The following SLCO6A1 variants were observed in gnomAD, a reference collection of about 807,000 sequenced individuals.
SLCO6A1 encodes the protein cancer/testis antigen 48.
A neutral mutation model predicts 72.7 loss-of-function variants in SLCO6A1; 65 were observed. The ratio of observed to expected loss-of-function variants is 0.89; its 90% CI spans 0.73 to 1.10. The LOEUF (loss-of-function observed/expected upper bound fraction) is 1.10. SLCO6A1 is among the 50% of genes least tolerant of loss of function. The pLI, the probability that SLCO6A1 is intolerant of heterozygous loss-of-function variation, is 0.00. For missense variants in SLCO6A1, 874 were observed against 872.6 expected, an observed-to-expected ratio of 1.00 and a Z score of -0.02; for synonymous variants, 314 against 298.2, an observed-to-expected ratio of 1.05 and a Z score of -0.55.
intron 12 of SLCO6A1, among the ~76,000 whole-genome samples, chr5:102,375,738 A>T (rs1375898770): frequency 6.6e-6 from 1 of 152,164 alleles, no homozygotes; most frequent in Non-Finnish European, 1.5e-5. Flanking sequence ...GAACTTCGTA[A>T]AATAACTAGA....
At chr5:102,453,945 G>A (rs1750567833) in intron 6 of SLCO6A1, among the ~76,000 whole-genome samples, 1 of 152,150 alleles carries the variant, frequency 6.6e-6, no homozygotes, top group Non-Finnish European at 1.5e-5. Context: ...GCTCAGCCAG[G>A]AACCAGTAGA....
At chr5:102,381,356 A>C (rs117381532) in intron 12 of SLCO6A1, among the ~76,000 whole-genome samples, 2 of 151,946 alleles carry the variant, frequency 1.3e-5, no homozygotes, top group East Asian at 3.9e-4. Context: ...TATTTTGCTT[A>C]ACATGATGTC....
chr5:102,406,605 G>A (rs1021630994), intron 9 of SLCO6A1, among the ~76,000 whole-genome samples: 3 of 151,986 alleles, frequency 2.0e-5, no homozygotes, highest in Non-Finnish European at 4.4e-5. Flanking sequence ...AACAATATAA[G>A]TAGATTCATA....
At chr5:102,430,002 T>C (rs921762512) in intron 7 of SLCO6A1, among the ~76,000 whole-genome samples, 2 of 151,070 alleles carry the variant, frequency 1.3e-5, no homozygotes, top group East Asian at 3.9e-4. Flanking sequence ...TTGTAATTTA[T>C]TGTAAAGATC....
chr5:102,373,360 C>A lies in SLCO6A1; in HGVS notation c.2152G>T (p.Asp718Tyr). The change falls in exon 13 of 14, where the codon GAC becomes TAC. Residue 718 changes from aspartate to tyrosine, a missense_variant. Transcript: ENST00000506729. ...NPKVKKKEETDL is the reference protein window; with the variant it reads ...NPKVKKKEETYL The stretch of plus-strand genomic sequence containing the variant: ...ACACAATGATGATCCAGTTACAAGT[C>A]AGTTTCTTCTTTTTTCTTAACTTTT... 1 of 1,559,546 alleles carries A rather than the reference C, an allele frequency of 6.4e-7. No individual in the cohort carries two copies. The highest frequency in any genetic ancestry group is 1.3e-5 in the South Asian group (1 of 78,470).
chr5:102,450,254 G>T (rs539755735), intron 6 of SLCO6A1, among the ~76,000 whole-genome samples: 16 of 152,242 alleles, frequency 1.1e-4, no homozygotes, highest in South Asian at 6.2e-4. Context: ...CATGTGTGTG[G>T]GCTATGTTCC....
In SLCO6A1 at chr5:102,459,588, A is replaced by G. The variant is rs927953928; in HGVS notation, c.1021+68T>C. On this transcript the variant is annotated intron_variant, in intron 5 of 13. Coordinates refer to ENST00000506729, the MANE Select transcript of SLCO6A1 (RefSeq NM_173488.5). ...ATTAAAAATGTAATACAGTCATTCT[A>G]TGAGAATAAGAACCATGGTGGAAGA... 6 of 1,448,528 alleles carry G rather than the reference A, an allele frequency of 4.1e-6. No individual in the cohort carries two copies. In the African/African-American group the frequency reaches 7.3e-5, roughly 18 times the overall value. 89.7% of individuals were successfully genotyped at this position (1,448,528 alleles called of 1,614,324 possible).
chr5:102,387,966 C>T (rs767156279), intron 12 of SLCO6A1, among the ~76,000 whole-genome samples: 1 of 152,080 alleles, frequency 6.6e-6, no homozygotes, highest in Non-Finnish European at 1.5e-5. Flanking sequence ...ATCTCAAGTC[C>T]CTATATCTCT....
intron 1 of SLCO6A1, among the ~76,000 whole-genome samples, chr5:102,488,400 G>A (rs547901004): frequency 1.3e-5 from 2 of 152,136 alleles, no homozygotes; most frequent in Non-Finnish European, 2.9e-5. Flanking sequence ...TTTTTCACGA[G>A]TTTCCAAATA....
chr5:102,472,768 T>A (rs539081356), intron 4 of SLCO6A1, among the ~76,000 whole-genome samples: 1 of 151,688 alleles, frequency 6.6e-6, no homozygotes, highest in South Asian at 2.1e-4. Flanking sequence ...AAGACTCAAA[T>A]AACAAAAATC....
At chr5:102,445,814 T>G (rs575296450) in intron 6 of SLCO6A1, among the ~76,000 whole-genome samples, 2 of 152,378 alleles carry the variant, frequency 1.3e-5, no homozygotes, top group African/African-American at 4.8e-5. Flanking sequence ...GCATCATTTA[T>G]TGAATAGGGA....
chr5:102,419,471 G>A (rs961257995), intron 8 of SLCO6A1, among the ~76,000 whole-genome samples: 1 of 152,140 alleles, frequency 6.6e-6, no homozygotes, highest in African/African-American at 2.4e-5. Context: ...ATGTCTATAA[G>A]AAGGCAGACA....
chr5:102,388,936 C>T, intron 11 of SLCO6A1, 111 bp from the exon 12 acceptor site: 1 of 925,630 alleles, frequency 1.1e-6, no homozygotes, highest in Non-Finnish European at 1.6e-6. Context: ...CAAAACATAT[C>T]ACTTAAAATT....
At chr5:102,442,110 A>C (rs1427459264) in intron 6 of SLCO6A1, among the ~76,000 whole-genome samples, 2 of 152,238 alleles carry the variant, frequency 1.3e-5, no homozygotes, top group African/African-American at 2.4e-5. Context: ...AACAGGCAGA[A>C]TAAGAAACAA....
chr5:102,480,360 A>G lies in SLCO6A1; in HGVS notation c.433T>C (p.Leu145=), dbSNP rs1187061037. The G allele has an allele frequency of 2.5e-6, 4 of 1,613,524 alleles. No homozygotes were observed. The highest frequency in any genetic ancestry group is 3.4e-6 in the Non-Finnish European group (4 of 1,179,768). ...ATATCGTAACTCTTTTCCAATGCCA[A>G]CTTCTCAATGGTTTTCAGTTGATAT... ...KEYQLKTIEK[L]ALEKSYDISS... is the part of the protein sequence containing the mutation. Residue 145 remains leucine, a synonymous_variant, in exon 2 of 14, where the codon TTG becomes CTG. Transcript: ENST00000506729.
intron 8 of SLCO6A1, 79 bp downstream of exon 8, chr5:102,419,747 G>A: frequency 9.0e-7 from 1 of 1,116,644 alleles, no homozygotes; most frequent in South Asian, 1.5e-5. Context: ...AAGGGTTACT[G>A]GATAGATAAT....
chr5:102,482,359 A>G (rs543577860), intron 1 of SLCO6A1, among the ~76,000 whole-genome samples: 1 of 152,222 alleles, frequency 6.6e-6, no homozygotes, highest in Non-Finnish European at 1.5e-5. Context: ...GGAAATGCAG[A>G]GCTGCTACAA....
At chr5:102,389,153 C>T (rs1156316858) in intron 11 of SLCO6A1, among the ~76,000 whole-genome samples, 3 of 152,036 alleles carry the variant, frequency 2.0e-5, no homozygotes, top group Non-Finnish European at 2.9e-5. Flanking sequence ...AACAGAGATA[C>T]CAAATACTGA....
intron 4 of SLCO6A1, among the ~76,000 whole-genome samples, chr5:102,469,576 T>TGGG (rs1257798963): frequency 1.3e-5 from 2 of 152,224 alleles, no homozygotes; most frequent in Non-Finnish European, 2.9e-5. Context: ...GACGGGGTTT[T>TGGG]CTGAACATAC....
Sources: gnomAD v4.1 joint callset for allele counts (sites outside exome capture counted in the v4.1 genomes callset) on GRCh38, gnomAD v4.1.1 for gene constraint, MANE v1.5 for transcripts, NCBI Gene and HGNC (gene_info 2026-07-23, HGNC 2026-07-21) for gene names.